Variants in SLC2A9 observed in about 807,000 individuals in gnomAD.
SLC2A9 encodes solute carrier family 2 member 9.
A neutral mutation model predicts 50.6 loss-of-function variants in SLC2A9; 39 were observed. That is an observed-to-expected ratio of 0.77 (90% CI 0.60 to 1.01). The LOEUF (loss-of-function observed/expected upper bound fraction) is 1.01, where lower values mean the gene tolerates loss of function less well. Ranked by LOEUF, SLC2A9 falls within the 50% of genes least tolerant of loss-of-function variation. The probability of loss-of-function intolerance (pLI) is 0.00; values close to 1 mark genes in which losing one functional copy is unlikely to be tolerated. For missense variants in SLC2A9, 686 were observed against 677.6 expected (o/e 1.01, Z -0.14); for synonymous variants, 324 against 276.9 (o/e 1.17, Z -1.69).
chr4:9,865,591 G>A (rs1017403921), intron 10 of SLC2A9, among the ~76,000 whole-genome samples: 5 of 152,162 alleles, frequency 3.3e-5, no homozygotes, highest in East Asian at 1.9e-4. Context: ...CATACATATC[G>A]CTTAGCAGTC....
Position 9,980,614 on chromosome 4 carries a change from C to A in SLC2A9, c.659G>T (p.Gly220Val). 1 of 1,614,168 alleles carries A rather than the reference C, an allele frequency of 6.2e-7. No individual in the cohort carries two copies. The highest frequency in any genetic ancestry group is 8.5e-7 in the Non-Finnish European group (1 of 1,180,036). ...CIGVFTGQLL[G>V]LPELLGKEST... ...CACCTTTCCCAGCAGCTCGGGCAGG[C>A]CCAGAAGCTGCCCAGTGAACACGCC... Residue 220 changes from glycine to valine, a missense_variant, in exon 5 of 12, where the codon GGC (glycine) becomes GTC (valine). Physicochemically the swap from Gly to Val is moderately radical, Grantham distance 109. Coordinates refer to ENST00000264784, the MANE Select transcript of SLC2A9 (RefSeq NM_020041.3).
intron 1 of SLC2A9, among the ~76,000 whole-genome samples, chr4:10,029,675 G>A (rs1418473676): frequency 6.6e-6 from 1 of 151,352 alleles, no homozygotes; most frequent in East Asian, 1.9e-4. Context: ...GGAGTGCAAT[G>A]GCACAATCTC....
At chr4:10,001,847 T>C (rs372075056) in intron 2 of SLC2A9, among the ~76,000 whole-genome samples, 1 of 152,228 alleles carries the variant, frequency 6.6e-6, no homozygotes, top group South Asian at 2.1e-4. Flanking sequence ...CCTGGGAGAC[T>C]TTCCTGCCTC....
intron 5 of SLC2A9, among the ~76,000 whole-genome samples, chr4:9,962,202 C>T (rs1752368660): frequency 6.6e-6 from 1 of 152,170 alleles, no homozygotes; most frequent in South Asian, 2.1e-4. Flanking sequence ...TTTGACCCAG[C>T]AATCCCATTA....
At chr4:9,909,877 T>C (rs1240997427) in intron 7 of SLC2A9, among the ~76,000 whole-genome samples, 2 of 152,262 alleles carry the variant, frequency 1.3e-5, no homozygotes, top group Non-Finnish European at 2.9e-5. Flanking sequence ...TAGAGCACAT[T>C]GCTCATAACC....
At chr4:9,911,329 T>C (rs1246455396) in intron 7 of SLC2A9, among the ~76,000 whole-genome samples, 1 of 151,964 alleles carries the variant, frequency 6.6e-6, no homozygotes, top group Non-Finnish European at 1.5e-5. Flanking sequence ...CTTAATCTGT[T>C]TGTGACACGA....
chr4:10,011,055 A>G (rs1193270805), intron 2 of SLC2A9, among the ~76,000 whole-genome samples: 2 of 152,118 alleles, frequency 1.3e-5, no homozygotes, highest in Admixed American at 6.5e-5. Context: ...CTTCTCATGG[A>G]TCAGCTACTC....
intron 10 of SLC2A9, among the ~76,000 whole-genome samples, chr4:9,856,341 G>T (rs191680341): frequency 2.0e-5 from 3 of 152,086 alleles, no homozygotes; most frequent in Non-Finnish European, 4.4e-5. Context: ...AGACATACAC[G>T]CAACCAACAA....
At chr4:9,774,727 T>C (rs1717314163) in intron 1 of SLC2A9, among the ~76,000 whole-genome samples, 10 of 151,916 alleles carry the variant, frequency 6.6e-5, no homozygotes, top group Admixed American at 6.6e-4. Flanking sequence ...CTCTCCTCCT[T>C]CTCATTTTCC....
At chr4:9,850,051 A>G (rs1729617108) in intron 10 of SLC2A9, among the ~76,000 whole-genome samples, 1 of 151,406 alleles carries the variant, frequency 6.6e-6, no homozygotes, top group Non-Finnish European at 1.5e-5. Flanking sequence ...TTCAGAGAGA[A>G]GGCATTGAGA....
chr4:10,005,304 A>G (rs1302933786), intron 2 of SLC2A9, among the ~76,000 whole-genome samples: 2 of 152,212 alleles, frequency 1.3e-5, no homozygotes, highest in Non-Finnish European at 2.9e-5. Context: ...CAGAAACCGG[A>G]GACCACAGGT....
At chr4:9,950,075 G>A (rs1232434061) in intron 5 of SLC2A9, among the ~76,000 whole-genome samples, 1 of 152,162 alleles carries the variant, frequency 6.6e-6, no homozygotes, top group African/African-American at 2.4e-5. Context: ...AACCTTACCT[G>A]TTGGGCATGA....
chr4:9,992,778 C>G (rs1757938450), intron 3 of SLC2A9, among the ~76,000 whole-genome samples: 3 of 152,220 alleles, frequency 2.0e-5, no homozygotes, highest in African/African-American at 7.2e-5. Flanking sequence ...AAGTAATTCC[C>G]TTTTGGGCTT....
chr4:9,903,818 TATATA>T (rs916941573), intron 8 of SLC2A9, among the ~76,000 whole-genome samples: 22 of 147,810 alleles, frequency 1.5e-4, no homozygotes, highest in East Asian at 5.8e-4. Flanking sequence ...TATTTCAAGA[TATATA>T]ATATATTTTG....
chr4:9,809,183 T>C (rs1447443686), intron 3 of SLC2A9, among the ~76,000 whole-genome samples: 2 of 152,172 alleles, frequency 1.3e-5, no homozygotes, highest in Non-Finnish European at 2.9e-5. Flanking sequence ...TCAGACTCGA[T>C]TTTTAATTAT....
chr4:9,775,566 T>C (rs1349474470), downstream of SLC2A9, among the ~76,000 whole-genome samples: 2 of 152,076 alleles, frequency 1.3e-5, no homozygotes, highest in African/African-American at 4.8e-5. Flanking sequence ...CCCCCATGGC[T>C]TGGTGCTGTC....
downstream of SLC2A9, among the ~76,000 whole-genome samples, chr4:9,821,405 CG>C (rs1560151487): frequency 6.6e-6 from 1 of 151,842 alleles, no homozygotes; most frequent in East Asian, 1.9e-4. Context: ...GAACAGAAAA[CG>C]AAACACTGTA....
intron 10 of SLC2A9, among the ~76,000 whole-genome samples, chr4:9,838,113 G>C (rs1252129904): frequency 6.6e-6 from 1 of 152,144 alleles, no homozygotes; most frequent in Admixed American, 6.5e-5. Context: ...TAATAATCAA[G>C]ACTCCTCTCC....
At chr4:9,774,781 T>A (rs1717320674) in intron 1 of SLC2A9, among the ~76,000 whole-genome samples, 1 of 152,028 alleles carries the variant, frequency 6.6e-6, no homozygotes, top group African/African-American at 2.4e-5. Flanking sequence ...TTCTTTTTCC[T>A]TCTTTTTCTC....
Sources: gnomAD v4.1 joint callset for allele counts (sites outside exome capture counted in the v4.1 genomes callset) on GRCh38, gnomAD v4.1.1 for gene constraint, MANE v1.5 for transcripts, NCBI Gene and HGNC (gene_info 2026-07-23, HGNC 2026-07-21) for gene names.